The following NWD2 variants were observed in gnomAD, a reference collection of about 807,000 sequenced individuals.
The protein encoded by NWD2 is NACHT and WD repeat domain containing 2.
NWD2 carries 37 observed loss-of-function variants against 132.7 expected under a neutral mutation model. The ratio of observed to expected loss-of-function variants is 0.28; its 90% CI spans 0.21 to 0.37. The LOEUF (loss-of-function observed/expected upper bound fraction) is 0.37. Among genes scored for constraint, NWD2 ranks in the 10% least tolerant of loss-of-function variants. The pLI is 1.00. For synonymous variants in NWD2, 705 were observed against 803.0 expected, an observed-to-expected ratio of 0.88 and a Z score of 2.06; for missense variants, 1,592 against 2,122.4, an observed-to-expected ratio of 0.75 and a Z score of 4.91.
At chr4:37,434,062 T>C (rs1712250023) in intron 5 of NWD2, 42 bp downstream of exon 5, 2 of 1,350,752 alleles carry the variant, frequency 1.5e-6, no homozygotes, top group African/African-American at 2.9e-5. Context: ...AATATATCAT[T>C]AATAGGTACA....
rs1043772236 is a variant in NWD2, at chr4:37,443,989, G to A, written c.2001G>A (p.Met667Ile). 3 of 1,552,298 alleles carry A rather than the reference G, an allele frequency of 1.9e-6. No homozygotes were observed. The highest frequency in any genetic ancestry group is 4.9e-5 in the East Asian group (2 of 40,926). The change falls in exon 7 of 7, where the codon ATG becomes ATA. Residue 667 changes from methionine (M) to isoleucine (I), a missense_variant. Transcript: ENST00000309447. The surrounding 1 kb of genome is among the most constrained non-coding windows in gnomAD (Gnocchi z 4.1). ...LVSRALGYIT[M>I]AKMGLSEMEL... ...CTAGGGCTCTTGGTTACATCACCAT[G>A]GCCAAAATGGGTCTGAGTGAAATGG...
chr4:37,400,374 T>A (rs1041727360), intron 3 of NWD2, among the ~76,000 whole-genome samples: 4 of 152,246 alleles, frequency 2.6e-5, no homozygotes, highest in African/African-American at 9.6e-5. Context: ...CTGTGGCTGT[T>A]AACCAGCCTG....
At chr4:37,422,626 T>C (rs918029524) in intron 3 of NWD2, among the ~76,000 whole-genome samples, 2 of 152,226 alleles carry the variant, frequency 1.3e-5, no homozygotes, top group African/African-American at 4.8e-5. Context: ...TAAACTATGT[T>C]TATATAGTGC....
intron 1 of NWD2, among the ~76,000 whole-genome samples, chr4:37,296,586 A>G (rs1398359891): frequency 6.6e-6 from 1 of 152,180 alleles, no homozygotes; most frequent in Non-Finnish European, 1.5e-5. Context: ...GAAGTAACAC[A>G]GGAGTAGAAA....
intron 1 of NWD2, among the ~76,000 whole-genome samples, chr4:37,289,332 CT>C (rs1718311254): frequency 6.6e-6 from 1 of 152,134 alleles, no homozygotes; most frequent in South Asian, 2.1e-4. Flanking sequence ...CAGTACTTAG[CT>C]TTTGGATACT....
intron 3 of NWD2, among the ~76,000 whole-genome samples, chr4:37,390,044 C>T (rs979209562): frequency 6.6e-5 from 10 of 152,206 alleles, no homozygotes; most frequent in African/African-American, 2.4e-4. Context: ...CCCGCCTCAG[C>T]CTCCCAAGGT....
At chr4:37,289,397 G>A (rs887062825) in intron 1 of NWD2, among the ~76,000 whole-genome samples, 1 of 152,116 alleles carries the variant, frequency 6.6e-6, no homozygotes, top group Non-Finnish European at 1.5e-5. Flanking sequence ...AACATTTTAT[G>A]ATAAAAACTT....
At chr4:37,433,533 G>C (rs1260774240) in intron 4 of NWD2, among the ~76,000 whole-genome samples, 2 of 152,104 alleles carry the variant, frequency 1.3e-5, no homozygotes, top group Middle Eastern at 3.2e-3. Flanking sequence ...TAACATAAGA[G>C]CACCTCCCCT....
rs1357669064 is a variant in NWD2 at position 37,245,105 on chromosome 4, C to A, written c.38C>A (p.Pro13His). ...PAGAGTKLPC[P>H]RDSALRRAAF... ...GGCGCGGGCACCAAGCTGCCCTGTC[C>A]CCGAGACTCTGCGCTCCGGCGGGCG... The change falls in exon 1 of 7, where the codon CCC becomes CAC. Residue 13 changes from proline (P) to histidine (H), a missense_variant. This residue lies in a region of NWD2 where 88 missense variants were observed against 92.8 expected (regional missense o/e 0.95). Transcript: ENST00000309447. 6 of 1,547,362 alleles carry A rather than the reference C, an allele frequency of 3.9e-6. No homozygotes were observed. Among genetic ancestry groups the A allele is most frequent in the Non-Finnish European group, 5.2e-6 (6 of 1,146,620 alleles).
rs372095164 is a variant in NWD2, at chr4:37,294,930, G to C, written c.152-31006G>C. 2.4e-4 allele frequency among the ~76,000 whole-genome samples: 36 copies of C among 152,300 alleles called. 1 individual carries two copies. The South Asian group carries it at 3.7e-3, about 16-fold the overall frequency. On this transcript the variant is annotated intron_variant, in intron 1 of 6. Coordinates refer to ENST00000309447, the MANE Select transcript of NWD2 (RefSeq NM_001144990.2). ...CCAAAGATGACTTCGATGTTTGAGG[G>C]CTTCAATATTTAAAGTGGAATAGTG...
chr4:37,277,801 G>A (rs1396099997), intron 1 of NWD2, among the ~76,000 whole-genome samples: 1 of 151,908 alleles, frequency 6.6e-6, no homozygotes, highest in Non-Finnish European at 1.5e-5. Flanking sequence ...GTGAAAACTG[G>A]TCATTCTAGT....
At chr4:37,256,702 A>C (rs74287791) in intron 1 of NWD2, among the ~76,000 whole-genome samples, 2 of 152,200 alleles carry the variant, frequency 1.3e-5, no homozygotes, top group Non-Finnish European at 2.9e-5. Context: ...AGAAGTCTAA[A>C]TCTATTTACA....
chr4:37,245,291 C>T, intron 1 of NWD2, 73 bp downstream of exon 1: 1 of 1,441,078 alleles, frequency 6.9e-7, no homozygotes, highest in Non-Finnish European at 9.2e-7. Context: ...GAGTGTGTGT[C>T]CGCCCCACAG....
intron 1 of NWD2, among the ~76,000 whole-genome samples, chr4:37,272,506 T>G (rs1290307436): frequency 6.6e-6 from 1 of 151,776 alleles, no homozygotes; most frequent in African/African-American, 2.4e-5. Flanking sequence ...TTCTGTTATA[T>G]TCATATTTTT....
At chr4:37,287,480 G>C (rs537151725) in intron 1 of NWD2, among the ~76,000 whole-genome samples, 1 of 152,330 alleles carries the variant, frequency 6.6e-6, no homozygotes, top group South Asian at 2.1e-4. Flanking sequence ...TGGATGGCTT[G>C]GTCCCCAAGA....
intron 1 of NWD2, among the ~76,000 whole-genome samples, chr4:37,245,445 G>C (rs1717218884): frequency 6.6e-6 from 1 of 152,000 alleles, no homozygotes; most frequent in African/African-American, 2.4e-5. Context: ...TCTCCACCCC[G>C]GGTTATTCCC....
chr4:37,404,684 G>C (rs1421185223), intron 3 of NWD2, among the ~76,000 whole-genome samples: 1 of 152,220 alleles, frequency 6.6e-6, no homozygotes, highest in Admixed American at 6.5e-5. Flanking sequence ...GAAGAAAAGA[G>C]GTTAACTGGC....
Position 37,443,748 on chromosome 4 carries a change from G to A in NWD2, c.1760G>A (p.Arg587His), listed in dbSNP as rs755857011. ...CSQVLKHQLLRVKRKVTSGQQ... is the reference protein window; with the variant it reads ...CSQVLKHQLLHVKRKVTSGQQ... ...CAGGTCCTCAAACACCAGCTGCTGC[G>A]CGTCAAAAGGAAGGTCACATCAGGC... Residue 587 changes from arginine (R) to histidine (H), a missense_variant, in exon 7 of 7, where the codon CGC becomes CAC. By Grantham distance (29) the Arg-to-His change is conservative. This residue lies in a region of NWD2 where 1,071 missense variants were observed against 1,398.0 expected (regional missense o/e 0.77). Transcript: ENST00000309447. The surrounding 1 kb of genome is among the most constrained non-coding windows in gnomAD (Gnocchi z 4.1). The A allele has an allele frequency of 6.6e-5, 102 of 1,551,670 alleles. 1 individual carries two copies. Among genetic ancestry groups the A allele is most frequent in the Non-Finnish European group, 7.6e-5 (87 of 1,147,048 alleles).
rs1460216239 is a variant in NWD2 at position 37,362,154 on chromosome 4, A to G, written c.357+5672A>G. 2.6e-5 allele frequency among the ~76,000 whole-genome samples: 4 copies of G among 152,210 alleles called. No homozygotes were observed. The East Asian group carries it at 5.8e-4, about 22-fold the overall frequency. On this transcript the variant is annotated intron_variant, in intron 3 of 6. Transcript: ENST00000309447. The stretch of plus-strand genomic sequence containing the variant: ...ACAAAGAGAACTACAAAACACTGCC[A>G]AAAGAAATCACAGATGACGCAAACA...
Sources: gnomAD v4.1 joint callset for allele counts (sites outside exome capture counted in the v4.1 genomes callset) on GRCh38, gnomAD v4.1.1 for gene constraint, gnomAD v4.1.1 regional missense constraint, Gnocchi (gnomAD v3.1) non-coding constraint, MANE v1.5 for transcripts, NCBI Gene and HGNC (gene_info 2026-07-23, HGNC 2026-07-21) for gene names.